HSP90AA1: variants seen among roughly 807,000 people sequenced by gnomAD.
HSP90AA1 encodes the protein heat shock protein HSP 90-alpha.
Under a neutral mutation model 73.3 loss-of-function variants are expected in HSP90AA1, and 18 were observed. The ratio of observed to expected loss-of-function variants is 0.25; its 90% CI spans 0.17 to 0.36. HSP90AA1 has a LOEUF of 0.36. Ranked by LOEUF, HSP90AA1 falls within the 10% of genes least tolerant of loss-of-function variation. The pLI, the probability that HSP90AA1 is intolerant of heterozygous loss-of-function variation, is 1.00. For synonymous variants in HSP90AA1, 477 were observed against 296.9 expected (o/e 1.61, Z -6.24); for missense variants, 704 against 874.2 (o/e 0.81, Z 2.45).
chr14:102,110,155 G>A (rs368849729), intron 1 of HSP90AA1, among the ~76,000 whole-genome samples: 24 of 152,040 alleles, frequency 1.6e-4, no homozygotes, highest in East Asian at 5.8e-4. Context: ...GGCTGGTCTC[G>A]AACTCCTGAC....
At chr14:102,094,700 G>A (rs954537048) in intron 2 of HSP90AA1, among the ~76,000 whole-genome samples, 2 of 152,224 alleles carry the variant, frequency 1.3e-5, no homozygotes, top group Admixed American at 6.5e-5. Context: ...AGGGGGACAC[G>A]GAGCCCCTCT....
At chr14:102,136,550 C>CA (rs1245564786) in intron 1 of HSP90AA1, among the ~76,000 whole-genome samples, 1 of 79,934 alleles carries the variant, frequency 1.3e-5, no homozygotes, top group Non-Finnish European at 2.2e-5. Context: ...GCCTGGGCGA[C>CA]AGAGTGAGAC....
chr14:102,093,441 C>T lies in HSP90AA1; in HGVS notation c.367-7063G>A, dbSNP rs147194786. ...AGAGAACCGCTTAAACCCGAGAGCA[C>T]ACCACTGCACTCCAGCCTGGTGACA... On this transcript the variant is annotated intron_variant, in intron 2 of 11. Transcript: ENST00000334701. Among the ~76,000 whole-genome samples, 1,438 of 148,134 alleles carry T rather than the reference C, an allele frequency of 9.7e-3. 37 individuals are homozygous for T. Among genetic ancestry groups the T allele is most frequent in the African/African-American group, 0.034 (1,364 of 40,106 alleles).
At chr14:102,091,981 T>A (rs1306984298), upstream of HSP90AA1, among the ~76,000 whole-genome samples, 1 of 152,186 alleles carries the variant, frequency 6.6e-6, no homozygotes, top group Non-Finnish European at 1.5e-5. Context: ...AAAATATTTT[T>A]AAAATTTCCT....
intron 1 of HSP90AA1, among the ~76,000 whole-genome samples, chr14:102,138,226 C>A (rs550338468): frequency 2.0e-5 from 3 of 152,018 alleles, no homozygotes; most frequent in Admixed American, 1.3e-4. Context: ...TTTTCCCCCC[C>A]CAAAAATTAT....
chr14:102,116,066 C>T (rs2049702588), intron 1 of HSP90AA1, among the ~76,000 whole-genome samples: 2 of 151,962 alleles, frequency 1.3e-5, no homozygotes, highest in Non-Finnish European at 2.9e-5. Flanking sequence ...ATTCTCCTGC[C>T]TCAGCCTCCT....
At chr14:102,139,485 G>A in exon 1 of HSP90AA1, 1 of 1,405,436 alleles carries the variant, frequency 7.1e-7, no homozygotes. Flanking sequence ...GCTCTTTGGG[G>A]TCCCGGCGCC....
intron 2 of HSP90AA1, among the ~76,000 whole-genome samples, chr14:102,095,878 C>T (rs1331453755): frequency 6.6e-6 from 1 of 152,194 alleles, no homozygotes; most frequent in Non-Finnish European, 1.5e-5. Context: ...ATTCTACATT[C>T]CCGTTTTCAT....
chr14:102,080,847 G>A lies in HSP90AA1; in HGVS notation c.*865C>T, dbSNP rs150605311. On this transcript the variant is annotated 3_prime_UTR_variant, in exon 11 of 11. Transcript: ENST00000216281. ...CATGTAACTCATGGACGCAGGGGAT[G>A]CATGTTGTCTGCATTCCTGTTTTCT... 5.7e-5 allele frequency: 13 copies of A among 227,644 alleles called. No homozygotes were observed. The highest frequency in any genetic ancestry group is 3.4e-4 in the Admixed American group (6 of 17,578). 14.1% of individuals were successfully genotyped at this position (227,644 alleles called of 1,614,324 possible).
chr14:102,098,735 G>A (rs867232728), intron 2 of HSP90AA1, among the ~76,000 whole-genome samples: 6 of 150,736 alleles, frequency 4.0e-5, no homozygotes, highest in Admixed American at 2.0e-4. Flanking sequence ...GTGCTCTGTC[G>A]CCCAGGCTGG....
chr14:102,095,741 G>A (rs2049415906), intron 2 of HSP90AA1, among the ~76,000 whole-genome samples: 1 of 152,156 alleles, frequency 6.6e-6, no homozygotes, highest in African/African-American at 2.4e-5. Context: ...CATTCTGACA[G>A]CTGACAAGTC....
At chr14:102,119,021 AT>A (rs2049742395) in intron 1 of HSP90AA1, among the ~76,000 whole-genome samples, 1 of 151,608 alleles carries the variant, frequency 6.6e-6, no homozygotes, top group South Asian at 2.1e-4. Context: ...CACCCATCTA[AT>A]TTTTGTATTT....
At position 102,084,388 on chromosome 14, in the gene HSP90AA1, T is replaced by G. The variant is rs1304873597; in HGVS notation, c.1147+11A>C. 2.5e-6 allele frequency: 4 copies of G among 1,609,862 alleles called. No individual in the cohort carries two copies. The highest frequency in any genetic ancestry group is 3.4e-6 in the Non-Finnish European group (4 of 1,176,202). ...TCAGTGACAGTGATTATTTTTCCTATCTATACTTACTCAGATATTCAGGGA... is the reference window on the plus strand; with the variant it reads ...TCAGTGACAGTGATTATTTTTCCTAGCTATACTTACTCAGATATTCAGGGA... On this transcript the variant is annotated intron_variant, in intron 6 of 10. Coordinates refer to ENST00000216281, the MANE Select transcript of HSP90AA1 (RefSeq NM_005348.4).
chr14:102,103,122 A>C (rs2049516126), intron 1 of HSP90AA1, among the ~76,000 whole-genome samples: 1 of 138,924 alleles, frequency 7.2e-6, no homozygotes, highest in Non-Finnish European at 1.5e-5. Context: ...CAGAGGTTGC[A>C]GTGGGCCAAG....
intron 1 of HSP90AA1, among the ~76,000 whole-genome samples, chr14:102,130,616 T>A (rs1791373140): frequency 6.6e-6 from 1 of 152,226 alleles, no homozygotes; most frequent in Non-Finnish European, 1.5e-5. Flanking sequence ...CCTTTGTCCA[T>A]TCTCTTTTTT....
chr14:102,082,101 TA>T lies in HSP90AA1; in HGVS notation c.2089+9del. On this transcript the variant is annotated intron_variant, in intron 10 of 10. Coordinates refer to ENST00000216281, the MANE Select transcript of HSP90AA1 (RefSeq NM_005348.4). ...ATTTTCTTTTTAACATTACATAGTA[TA>T]AGGCTTACCCAGACCAAGTTTGATC... is the stretch of plus-strand genomic sequence containing the variant. The T allele has an allele frequency of 6.4e-7, 1 of 1,569,832 alleles. No homozygotes were observed. Among genetic ancestry groups the T allele is most frequent in the Non-Finnish European group, 8.8e-7 (1 of 1,139,902 alleles).
At chr14:102,085,580 C>A in intron 3 of HSP90AA1, 149 bp from the exon 4 acceptor site, 1 of 1,218,788 alleles carries the variant, frequency 8.2e-7, no homozygotes. Flanking sequence ...GGCAAGGTGC[C>A]TCGCCCAAAA....
chr14:102,121,014 C>CACACAT (rs2049771039), intron 1 of HSP90AA1, among the ~76,000 whole-genome samples: 1 of 145,892 alleles, frequency 6.9e-6, no homozygotes, highest in East Asian at 2.0e-4. Flanking sequence ...CACACACACA[C>CACACAT]ACACACATAC....
chr14:102,085,503 T>A, intron 3 of HSP90AA1, 72 bp from the exon 4 acceptor site: 7 of 1,426,946 alleles, frequency 4.9e-6, no homozygotes, highest in Non-Finnish European at 5.9e-6. Flanking sequence ...AACACCCTTA[T>A]AACGTGTCTA....
Sources: gnomAD v4.1 joint callset for allele counts (sites outside exome capture counted in the v4.1 genomes callset) on GRCh38, gnomAD v4.1.1 for gene constraint, MANE v1.5 for transcripts, NCBI Gene and HGNC (gene_info 2026-07-23, HGNC 2026-07-21) for gene names.